Variants in TTYH3 observed in about 807,000 individuals in gnomAD.
TTYH3 encodes the protein tweety family member 3, also known as protein tweety homolog 3.
A neutral mutation model predicts 68.2 loss-of-function variants in TTYH3; 23 were observed. The observed-to-expected ratio is 0.34, with a 90% CI of 0.24 to 0.48. The LOEUF is 0.48. TTYH3 is among the 20% of genes least tolerant of loss of function. The probability of loss-of-function intolerance (pLI) is 0.99; values close to 1 mark genes in which losing one functional copy is unlikely to be tolerated. For synonymous variants in TTYH3, 360 were observed against 332.8 expected, an observed-to-expected ratio of 1.08 and a Z score of -0.89; for missense variants, 768 against 727.7, an observed-to-expected ratio of 1.06 and a Z score of -0.64.
In TTYH3 at chr7:2,663,954, C is replaced by A. The variant is rs564845527; in HGVS notation, c.*2215C>A. 6.6e-6 allele frequency: 1 copy of A among 152,430 alleles called. No individual in the cohort carries two copies. Among genetic ancestry groups the A allele is most frequent in the Non-Finnish European group, 1.5e-5 (1 of 68,068 alleles). 9.4% of individuals were successfully genotyped at this position (152,430 alleles called of 1,614,324 possible). A position where few individuals can be genotyped will look rare whatever the true frequency, so the allele number is the denominator to read the frequency against. On this transcript the variant is annotated 3_prime_UTR_variant, in exon 14 of 14. Transcript: ENST00000258796. ...TGGTTGTATTTTTGTTCTGAGTTTT[C>A]GGTGCCGTGTTCCTAACTACTCCAT...
chr7:2,641,857 C>T (rs965165934), intron 1 of TTYH3, among the ~76,000 whole-genome samples: 30 of 152,220 alleles, frequency 2.0e-4, no homozygotes, highest in African/African-American at 6.8e-4. Context: ...GGGGCTCTGA[C>T]GTGGGATGAA....
At chr7:2,647,093 G>T (rs1319928707) in intron 2 of TTYH3, 49 bp from the exon 3 acceptor site, 37 of 1,544,486 alleles carry the variant, frequency 2.4e-5, no homozygotes, top group East Asian at 4.8e-5. Context: ...GCTGGAGTGG[G>T]GTGTGTGTGG....
Position 2,645,247 on chromosome 7 carries a change from G to A in TTYH3, c.124-1606G>A, listed in dbSNP as rs372375998. Among the ~76,000 whole-genome samples the A allele has an allele frequency of 4.7e-3, 711 of 152,240 alleles. 5 individuals carry two copies. The highest frequency in any genetic ancestry group is 0.024 in the Middle Eastern group (7 of 294). On this transcript the variant is annotated intron_variant, in intron 1 of 13. Transcript: ENST00000258796. This position sits in a 1 kb window ranked among gnomAD's most constrained non-coding sequence, Gnocchi z 4.8. ...TGTGGAGGTTCTGGAGGGCTGAGCCGGGGGCAGGGCTATGCTGAATCCAGG... is the reference window on the plus strand; with the variant it reads ...TGTGGAGGTTCTGGAGGGCTGAGCCAGGGGCAGGGCTATGCTGAATCCAGG...
intron 1 of TTYH3, among the ~76,000 whole-genome samples, chr7:2,644,798 G>A (rs1288865019): frequency 2.0e-5 from 3 of 152,202 alleles, no homozygotes; most frequent in African/African-American, 7.2e-5. Context: ...GCTGGGTGGA[G>A]GTGGAAAGGC....
At position 2,647,569 on chromosome 7, in the gene TTYH3, C is replaced by T; in HGVS notation, c.557C>T (p.Pro186Leu). The change falls in exon 4 of 14, where the codon CCC becomes CTC. Residue 186 changes from proline to leucine, a missense_variant. Transcript: ENST00000258796. ...CTGCTGGGCTACACGGCCGCCATCC[C>T]CTTTTGGAGGAACACGGCGGTGTCG... ...ETLLGYTAAI[P>L]FWRNTAVSLE... The T allele has an allele frequency of 1.3e-6, 2 of 1,568,692 alleles. No individual in the cohort carries two copies. Among genetic ancestry groups the T allele is most frequent in the Non-Finnish European group, 1.7e-6 (2 of 1,157,788 alleles).
At chr7:2,656,729 A>C (rs1343116726) in intron 11 of TTYH3, among the ~76,000 whole-genome samples, 195 bp downstream of exon 11, 8 of 152,116 alleles carry the variant, frequency 5.3e-5, no homozygotes, top group African/African-American at 1.9e-4. Context: ...TCATCATTTC[A>C]CAGGAGGAAA....
chr7:2,636,615 T>C (rs895974010), intron 1 of TTYH3, among the ~76,000 whole-genome samples: 15 of 152,142 alleles, frequency 9.9e-5, no homozygotes, highest in African/African-American at 3.6e-4. Flanking sequence ...GCTGATGAAC[T>C]AGGCTGGGGG....
intron 4 of TTYH3, 152 bp downstream of exon 4, chr7:2,647,790 C>T: frequency 1.9e-6 from 2 of 1,066,370 alleles, no homozygotes; most frequent in South Asian, 1.5e-5. Flanking sequence ...TGGAGTTCCC[C>T]TAATGGGAGC....
At chr7:2,634,934 G>T (rs1279560974) in intron 1 of TTYH3, among the ~76,000 whole-genome samples, 2 of 152,126 alleles carry the variant, frequency 1.3e-5, no homozygotes, top group African/African-American at 2.4e-5. Flanking sequence ...CTGCCTTGCC[G>T]CTGGGGGTGT....
rs1479095738 is a variant in TTYH3, at chr7:2,645,727, C to A, written c.124-1126C>A. The stretch of plus-strand genomic sequence containing the variant: ...AGCTTCTCGGTGCACAGACCCCAGA[C>A]AGGATCAGACTCCTGATGGGGCCTC... On this transcript the variant is annotated intron_variant, in intron 1 of 13. Coordinates refer to ENST00000258796, the MANE Select transcript of TTYH3 (RefSeq NM_025250.3). This position sits in a 1 kb window ranked among gnomAD's most constrained non-coding sequence, Gnocchi z 4.8. The A allele has an allele frequency of 2.1e-6, 1 of 466,994 alleles. No individual in the cohort carries two copies. Among genetic ancestry groups the A allele is most frequent in the Non-Finnish European group, 4.4e-6 (1 of 224,820 alleles). 28.9% of individuals were successfully genotyped at this position (466,994 alleles called of 1,614,324 possible).
At chr7:2,646,690 G>T (rs1450317858) in intron 1 of TTYH3, among the ~76,000 whole-genome samples, 163 bp from the exon 2 acceptor site, 1 of 152,216 alleles carries the variant, frequency 6.6e-6, no homozygotes, top group African/African-American at 2.4e-5. Flanking sequence ...CACTGAGGTG[G>T]TGGGAGACTC....
At chr7:2,642,530 T>C (rs1785873517) in intron 1 of TTYH3, among the ~76,000 whole-genome samples, 1 of 119,258 alleles carries the variant, frequency 8.4e-6, no homozygotes, top group Non-Finnish European at 1.7e-5. Flanking sequence ...TGACAGAGAC[T>C]CTGTCTCAAA....
In TTYH3 at chr7:2,662,000, C is replaced by G; in HGVS notation, c.*261C>G. 3.4e-6 allele frequency: 2 copies of G among 590,972 alleles called. No individual in the cohort carries two copies. The highest frequency in any genetic ancestry group is 6.0e-6 in the Non-Finnish European group (2 of 331,000). 36.6% of individuals were successfully genotyped at this position (590,972 alleles called of 1,614,324 possible). A position where few individuals can be genotyped will look rare whatever the true frequency, so the allele number is the denominator to read the frequency against. ...CCCAGCCCTGCACGCCACCCACTATCCCGGCACGCTCCCTCTGCAGATGGT... is the reference window on the plus strand; with the variant it reads ...CCCAGCCCTGCACGCCACCCACTATGCCGGCACGCTCCCTCTGCAGATGGT... On this transcript the variant is annotated 3_prime_UTR_variant, in exon 14 of 14. Coordinates refer to ENST00000258796, the MANE Select transcript of TTYH3 (RefSeq NM_025250.3).
At chr7:2,654,920 G>A (rs1228564905) in intron 9 of TTYH3, among the ~76,000 whole-genome samples, 5 of 151,942 alleles carry the variant, frequency 3.3e-5, no homozygotes, top group East Asian at 1.9e-4. Flanking sequence ...GATTACAGGC[G>A]CCTGCAGCGC....
intron 7 of TTYH3, 23 bp from the exon 8 acceptor site, chr7:2,652,164 C>A: frequency 6.2e-7 from 1 of 1,612,244 alleles, no homozygotes; most frequent in South Asian, 1.1e-5. Context: ...TGCAGCTCAG[C>A]CTTCCCTGAT....
chr7:2,650,873 C>T (rs964626078), intron 7 of TTYH3, among the ~76,000 whole-genome samples: 1 of 151,934 alleles, frequency 6.6e-6, no homozygotes, highest in African/African-American at 2.4e-5. Flanking sequence ...AAAAGGTGGA[C>T]AGGGATGGGC....
chr7:2,659,034 G>A lies in TTYH3; in HGVS notation c.1500+19G>A, dbSNP rs753925068. The A allele has an allele frequency of 6.2e-7, 1 of 1,611,210 alleles. No homozygotes were observed. On this transcript the variant is annotated intron_variant, in intron 13 of 13. Transcript: ENST00000258796. ...GCCCTCAGTAAGTCTTGGGGCAGGAGGGTGGATGGGGGGCTGCTCAGCCTT... is the reference window on the plus strand; with the variant it reads ...GCCCTCAGTAAGTCTTGGGGCAGGAAGGTGGATGGGGGGCTGCTCAGCCTT...
rs769923467 is a variant in TTYH3, at chr7:2,656,568, C to T, written c.1250+34C>T. 3 of 1,587,726 alleles carry T rather than the reference C, an allele frequency of 1.9e-6. No individual in the cohort carries two copies. The South Asian group carries it at 3.4e-5, about 18-fold the overall frequency. ...CCCTGGGGGGTCGCAGGAGCTTGCC[C>T]CAGGCCACATGGCATGCGGGACACT... On this transcript the variant is annotated intron_variant, in intron 11 of 13. Transcript: ENST00000258796.
chr7:2,639,833 C>T (rs557690053), intron 1 of TTYH3, among the ~76,000 whole-genome samples: 10 of 152,254 alleles, frequency 6.6e-5, no homozygotes, highest in Admixed American at 2.0e-4. Flanking sequence ...GCACGAGGGG[C>T]GGGGCAGGGC....
Sources: gnomAD v4.1 joint callset for allele counts (sites outside exome capture counted in the v4.1 genomes callset) on GRCh38, gnomAD v4.1.1 for gene constraint, Gnocchi (gnomAD v3.1) non-coding constraint, MANE v1.5 for transcripts, NCBI Gene and HGNC (gene_info 2026-07-23, HGNC 2026-07-21) for gene names.